The following KLHL1 variants were observed in gnomAD, a reference collection of about 807,000 sequenced individuals.
KLHL1 encodes the protein kelch-like protein 1.
KLHL1 carries 47 observed loss-of-function variants against 77.7 expected under a neutral mutation model. The ratio of observed to expected loss-of-function variants is 0.60; its 90% CI spans 0.48 to 0.77. The LOEUF (loss-of-function observed/expected upper bound fraction) is 0.77. Ranked by LOEUF, KLHL1 falls within the 30% of genes least tolerant of loss-of-function variation. The pLI is 0.00. For synonymous variants in KLHL1, 360 were observed against 325.2 expected (o/e 1.11, Z -1.15); for missense variants, 925 against 910.8 (o/e 1.02, Z -0.20).
chr13:69,879,838 C>A (rs529723371), intron 5 of KLHL1, among the ~76,000 whole-genome samples: 2 of 152,024 alleles, frequency 1.3e-5, no homozygotes, highest in East Asian at 3.9e-4. Flanking sequence ...ATGGCAATCA[C>A]GCTGATTCTC....
intron 1 of KLHL1, among the ~76,000 whole-genome samples, chr13:70,062,823 T>C (rs1452099485): frequency 6.6e-6 from 1 of 152,190 alleles, no homozygotes; most frequent in Non-Finnish European, 1.5e-5. Context: ...AAATTATATT[T>C]TAGTTATATG....
chr13:69,831,650 G>C (rs1878766314), intron 6 of KLHL1, among the ~76,000 whole-genome samples: 1 of 149,494 alleles, frequency 6.7e-6, no homozygotes, highest in Non-Finnish European at 1.5e-5. Context: ...TAATAAAAAA[G>C]AAAACTACAG....
chr13:69,781,946 T>C (rs1363886276), intron 7 of KLHL1, among the ~76,000 whole-genome samples: 1 of 152,220 alleles, frequency 6.6e-6, no homozygotes, highest in African/African-American at 2.4e-5. Flanking sequence ...ATGACATCAA[T>C]TGTAGATTTT....
rs1169690882 is a variant in KLHL1, at chr13:69,827,870, G to GT, written c.1414+11105_1414+11106insA. 1.0e-4 allele frequency among the ~76,000 whole-genome samples: 14 copies of GT among 135,616 alleles called. 1 individual carries two copies. Among genetic ancestry groups the GT allele is most frequent in the African/African-American group, 4.3e-4 (14 of 32,396 alleles). The allele number at this position is 135,616 out of a possible 152,430, so 89.0% of individuals were successfully genotyped here. A position where few individuals can be genotyped will look rare whatever the true frequency, so the allele number is the denominator to read the frequency against. ...TTAAAACTCTACTTACTAAATGGTA[G>GT]AAACTAAAAAAGTTTCTTAATCTCT... On this transcript the variant is annotated intron_variant, in intron 6 of 10. Transcript: ENST00000377844.
intron 1 of KLHL1, among the ~76,000 whole-genome samples, chr13:69,989,996 A>C (rs1033787204): frequency 6.6e-6 from 1 of 151,932 alleles, no homozygotes; most frequent in Non-Finnish European, 1.5e-5. Flanking sequence ...AAACCCTACA[A>C]GCCAGAGGAG....
rs773421153 is a variant in KLHL1, at chr13:69,740,428, G to C, written c.1768C>G (p.Arg590Gly). 6.2e-7 allele frequency: 1 copy of C among 1,609,298 alleles called. No homozygotes were observed. Among genetic ancestry groups the C allele is most frequent in the Non-Finnish European group, 8.5e-7 (1 of 1,176,920 alleles). Reference protein sequence around the residue: ...WTFVASMSIARSTVGVAALNG... With the variant: ...WTFVASMSIAGSTVGVAALNG... The stretch of plus-strand genomic sequence containing the variant: ...AATGCTGCTACACCAACTGTGCTCC[G>C]AGCAATTGACATACTGGCTACAAAT... Residue 590 changes from arginine (R) to glycine (G), a missense_variant, in exon 8 of 11, where the codon CGG (arginine) becomes GGG (glycine). Arg to Gly is a moderately radical substitution (Grantham distance 125). Coordinates refer to ENST00000377844, the MANE Select transcript of KLHL1 (RefSeq NM_020866.3).
At chr13:69,742,767 G>A (rs1045788802) in intron 7 of KLHL1, among the ~76,000 whole-genome samples, 14 of 152,242 alleles carry the variant, frequency 9.2e-5, no homozygotes, top group Admixed American at 2.6e-4. Context: ...TTCATATGGA[G>A]GGATCGTGTT....
Position 69,701,641 on chromosome 13 carries a change from C to A in KLHL1, c.*61G>T, listed in dbSNP as rs1375280239. Reference sequence around the variant, plus strand: ...CATCTCTGGAAGTTCTCATTCTTGCCATTCAATATAAAAATAACCACTCCA... The same window carrying A: ...CATCTCTGGAAGTTCTCATTCTTGCAATTCAATATAAAAATAACCACTCCA... On this transcript the variant is annotated 3_prime_UTR_variant, in exon 11 of 11. Coordinates refer to ENST00000377844, the MANE Select transcript of KLHL1 (RefSeq NM_020866.3). 15 of 1,155,968 alleles carry A rather than the reference C, an allele frequency of 1.3e-5. No individual in the cohort carries two copies. The highest frequency in any genetic ancestry group is 1.9e-5 in the Non-Finnish European group (15 of 780,042). 71.6% of individuals were successfully genotyped at this position (1,155,968 alleles called of 1,614,324 possible). A position where few individuals can be genotyped will look rare whatever the true frequency, so the allele number is the denominator to read the frequency against.
intron 5 of KLHL1, among the ~76,000 whole-genome samples, chr13:69,861,785 TAAAAAA>T (rs34408474): frequency 7.0e-5 from 6 of 86,018 alleles, no homozygotes; most frequent in Admixed American, 1.5e-4. Context: ...CCGTCTCTAC[TAAAAAA>T]AAAAAAAAAA....
chr13:69,980,727 A>G (rs1189185530), intron 1 of KLHL1, among the ~76,000 whole-genome samples: 3 of 152,038 alleles, frequency 2.0e-5, no homozygotes, highest in Non-Finnish European at 4.4e-5. Context: ...CATTTGTTAC[A>G]TGAGTATATT....
rs1194891686 is a variant in KLHL1 at position 69,961,533 on chromosome 13, A to C, written c.681-89T>G. On this transcript the variant is annotated intron_variant, in intron 2 of 10. Transcript: ENST00000377844. Reference sequence around the variant, plus strand: ...AGAATGCAACACAGAGCACAAAATCAATCTATTGATCAATCAATTAATGCA... The same window carrying C: ...AGAATGCAACACAGAGCACAAAATCCATCTATTGATCAATCAATTAATGCA... 27 of 1,364,934 alleles carry C rather than the reference A, an allele frequency of 2.0e-5. No homozygotes were observed. The East Asian group carries it at 6.4e-4, about 32-fold the overall frequency. The allele number at this position is 1,364,934 out of a possible 1,614,324, so 84.6% of individuals were successfully genotyped here. A position where few individuals can be genotyped will look rare whatever the true frequency, so the allele number is the denominator to read the frequency against.
chr13:69,772,175 T>A (rs1354043808), intron 7 of KLHL1, among the ~76,000 whole-genome samples: 1 of 151,986 alleles, frequency 6.6e-6, no homozygotes, highest in Non-Finnish European at 1.5e-5. Context: ...TGTTTTTATT[T>A]TTTTAAAGTT....
rs763376057 is a variant in KLHL1 at position 69,796,776 on chromosome 13, G to A, written c.1601C>T (p.Thr534Ile). 5 of 1,613,552 alleles carry A rather than the reference G, an allele frequency of 3.1e-6. No individual in the cohort carries two copies. The Admixed American group carries it at 8.3e-5, about 27-fold the overall frequency. ...ECYNPKTKTWTVLPPMSTHRH... is the reference protein window; with the variant it reads ...ECYNPKTKTWIVLPPMSTHRH... ...GTGTGTTGACATTGGTGGTAAGACA[G>A]TCCATGTCTTGGTTTTGGGATTGTA... The change falls in exon 7 of 11, where the codon ACT becomes ATT. Residue 534 changes from threonine to isoleucine, a missense_variant. Physicochemically the swap from Thr to Ile is moderately conservative, Grantham distance 89. Coordinates refer to ENST00000377844, the MANE Select transcript of KLHL1 (RefSeq NM_020866.3).
intron 1 of KLHL1, among the ~76,000 whole-genome samples, chr13:70,075,666 T>TGTGTGTATATATATATACACACAC (rs1221735958): frequency 7.0e-5 from 10 of 143,380 alleles, no homozygotes; most frequent in Non-Finnish European, 1.1e-4. Context: ...TACCTATGTG[T>TGTGTGTATATATATATACACACAC]GTGTGTATAT....
At chr13:69,914,646 C>A (rs551003082) in intron 4 of KLHL1, among the ~76,000 whole-genome samples, 39 of 152,286 alleles carry the variant, frequency 2.6e-4, no homozygotes, top group African/African-American at 9.1e-4. Flanking sequence ...AGAATCAATT[C>A]AGCCAATCTG....
rs150140694 is a variant in KLHL1, at chr13:70,107,336, C to A, written c.364G>T (p.Val122Leu). 2.5e-6 allele frequency: 4 copies of A among 1,613,906 alleles called. No individual in the cohort carries two copies. Among genetic ancestry groups the A allele is most frequent in the Non-Finnish European group, 3.4e-6 (4 of 1,180,004 alleles). Residue 122 changes from valine to leucine, a missense_variant, in exon 1 of 11, where the codon GTG becomes TTG. Coordinates refer to ENST00000377844, the MANE Select transcript of KLHL1 (RefSeq NM_020866.3). ...ACCACCTCCTCCTCTAGTGACTCCA[C>A]GTAGAAGAGAGTCCTGGCTGGCTGC... The part of the protein sequence containing the change: ...TQQPARTLFY[V>L]ESLEEEVVPG...
At chr13:69,917,198 A>T (rs1206858547) in intron 4 of KLHL1, among the ~76,000 whole-genome samples, 1 of 152,018 alleles carries the variant, frequency 6.6e-6, no homozygotes, top group Non-Finnish European at 1.5e-5. Flanking sequence ...AGTTATCTGT[A>T]TATTCTTCTA....
intron 7 of KLHL1, among the ~76,000 whole-genome samples, chr13:69,792,722 G>A (rs1371274353): frequency 6.6e-6 from 1 of 152,042 alleles, no homozygotes; most frequent in East Asian, 1.9e-4. Flanking sequence ...ATGAAATATC[G>A]ATATACACTA....
intron 7 of KLHL1, among the ~76,000 whole-genome samples, chr13:69,760,828 A>G (rs560196725): frequency 1.3e-5 from 2 of 152,180 alleles, no homozygotes; most frequent in African/African-American, 4.8e-5. Flanking sequence ...TGCACTTTTT[A>G]AAATACAATA....
Sources: gnomAD v4.1 joint callset for allele counts (sites outside exome capture counted in the v4.1 genomes callset) on GRCh38, gnomAD v4.1.1 for gene constraint, MANE v1.5 for transcripts, NCBI Gene and HGNC (gene_info 2026-07-23, HGNC 2026-07-21) for gene names.